Variants in CNTN1 observed in about 807,000 individuals in gnomAD.
CNTN1 encodes contactin-1.
A neutral mutation model predicts 126.4 loss-of-function variants in CNTN1; 38 were observed. The observed-to-expected ratio is 0.30, with a 90% CI of 0.23 to 0.39. CNTN1 has a LOEUF of 0.39. CNTN1 is among the 10% of genes least tolerant of loss of function. The probability of loss-of-function intolerance (pLI) is 1.00; values close to 1 mark genes in which losing one functional copy is unlikely to be tolerated. For synonymous variants in CNTN1, 413 were observed against 422.6 expected (o/e 0.98, Z 0.28); for missense variants, 1,009 against 1,248.4 (o/e 0.81, Z 2.89).
intron 9 of CNTN1, among the ~76,000 whole-genome samples, chr12:40,934,734 C>T (rs757265283): frequency 2.0e-5 from 3 of 151,970 alleles, no homozygotes; most frequent in Non-Finnish European, 4.4e-5. Flanking sequence ...GTGTTGTCTC[C>T]ATCTCCAGTT....
At chr12:40,987,235 A>C (rs924722096) in intron 16 of CNTN1, among the ~76,000 whole-genome samples, 8 of 152,250 alleles carry the variant, frequency 5.3e-5, no homozygotes, top group African/African-American at 1.9e-4. Flanking sequence ...TCATGAAGGT[A>C]AATACTTAAG....
At position 40,977,141 on chromosome 12, in the gene CNTN1, G is replaced by T. The variant is rs537295717; in HGVS notation, c.1805-3768G>T. Among the ~76,000 whole-genome samples, 3 of 152,198 alleles carry T rather than the reference G, an allele frequency of 2.0e-5. No individual in the cohort carries two copies. In the South Asian group the frequency reaches 6.2e-4, roughly 32 times the overall value. Reference sequence around the variant, plus strand: ...GTACATTGGTTCCATCTGGGAAGGTGGGACAACTCAAAATGGGGGGCTTCC... The same window carrying T: ...GTACATTGGTTCCATCTGGGAAGGTTGGACAACTCAAAATGGGGGGCTTCC... On this transcript the variant is annotated intron_variant, in intron 15 of 23. Coordinates refer to ENST00000551295, the MANE Select transcript of CNTN1 (RefSeq NM_001843.4).
intron 16 of CNTN1, among the ~76,000 whole-genome samples, chr12:40,988,098 T>C (rs1206538260): frequency 1.3e-5 from 2 of 152,146 alleles, no homozygotes; most frequent in South Asian, 2.1e-4. Flanking sequence ...TTTTGCTTCA[T>C]GGAAATTTGC....
intron 3 of CNTN1, among the ~76,000 whole-genome samples, chr12:40,914,407 A>G (rs1945157561): frequency 6.6e-6 from 1 of 152,190 alleles, no homozygotes; most frequent in Non-Finnish European, 1.5e-5. Flanking sequence ...TGCAATACAG[A>G]TGCTTGTTTT....
chr12:40,743,052 T>C (rs965793650), intron 1 of CNTN1, among the ~76,000 whole-genome samples: 4 of 152,068 alleles, frequency 2.6e-5, no homozygotes, highest in African/African-American at 9.7e-5. Context: ...TTCTGCAGGT[T>C]GAGGCCGGGG....
rs1240741402 is a variant in CNTN1 at position 40,936,765 on chromosome 12, G to A, written c.986-16G>A. On this transcript the variant is annotated splice_polypyrimidine_tract_variant and intron_variant, in intron 9 of 23. Coordinates refer to ENST00000551295, the MANE Select transcript of CNTN1 (RefSeq NM_001843.4). The stretch of plus-strand genomic sequence containing the variant: ...GAGCCCTTCATTTAACATTTACAAT[G>A]TTCCTTACTTTTTAGCATTCCCTGA... 1.2e-6 allele frequency: 2 copies of A among 1,610,468 alleles called. No individual in the cohort carries two copies. Among genetic ancestry groups the A allele is most frequent in the East Asian group, 2.2e-5 (1 of 44,840 alleles).
intron 23 of CNTN1, among the ~76,000 whole-genome samples, chr12:41,067,299 C>G (rs10879622): frequency 0.24 from 36,280 of 151,860 alleles, 4,414 homozygotes; most frequent in Middle Eastern, 0.29. Flanking sequence ...GGTTTTCATA[C>G]TAGTACCAAA....
At chr12:40,951,373 CTTAT>C (rs1946672125) in intron 14 of CNTN1, among the ~76,000 whole-genome samples, 1 of 151,922 alleles carries the variant, frequency 6.6e-6, no homozygotes, top group African/African-American at 2.4e-5. Context: ...GACAACTTGC[CTTAT>C]TTATTTTTTT....
chr12:40,785,542 T>C (rs1005500044), intron 1 of CNTN1, among the ~76,000 whole-genome samples: 3 of 152,086 alleles, frequency 2.0e-5, no homozygotes, highest in Admixed American at 6.5e-5. Flanking sequence ...TTAGTTCTTG[T>C]AGGTTTTGGG....
chr12:40,911,529 C>T (rs1945036623), intron 3 of CNTN1, among the ~76,000 whole-genome samples: 1 of 152,152 alleles, frequency 6.6e-6, no homozygotes, highest in African/African-American at 2.4e-5. Context: ...AATTCCTTGA[C>T]CCATATTCTC....
chr12:41,012,064 G>A (rs1184138447), intron 17 of CNTN1, among the ~76,000 whole-genome samples: 1 of 152,152 alleles, frequency 6.6e-6, no homozygotes, highest in African/African-American at 2.4e-5. Context: ...GGAGAGAATT[G>A]GGAAGCTAGA....
At chr12:41,060,204 A>G (rs1334383520) in intron 23 of CNTN1, among the ~76,000 whole-genome samples, 1 of 152,198 alleles carries the variant, frequency 6.6e-6, no homozygotes, top group Non-Finnish European at 1.5e-5. Context: ...GAAGCAAAGC[A>G]ATAGAACGAG....
intron 1 of CNTN1, among the ~76,000 whole-genome samples, chr12:40,863,992 C>CCCTTCCCT (rs1329725296): frequency 7.6e-6 from 1 of 131,774 alleles, no homozygotes; most frequent in East Asian, 2.5e-4. Flanking sequence ...CCTTCTGCTT[C>CCCTTCCCT]CCTTCCCTTC....
At position 40,933,560 on chromosome 12, in the gene CNTN1, A is replaced by G. The variant is rs1311093104; in HGVS notation, c.803A>G (p.Asn268Ser). 2 of 1,596,588 alleles carry G rather than the reference A, an allele frequency of 1.3e-6. No homozygotes were observed. Among genetic ancestry groups the G allele is most frequent in the Non-Finnish European group, 8.6e-7 (1 of 1,164,366 alleles). The change falls in exon 8 of 24, where the codon AAT (asparagine) becomes AGT (serine). Residue 268 changes from asparagine to serine, a missense_variant and splice_region_variant. By Grantham distance (46) the Asn-to-Ser change is conservative. Coordinates refer to ENST00000551295, the MANE Select transcript of CNTN1 (RefSeq NM_001843.4). ...ACCTTAGAATGTTTTGCACTTGGAAAGTAAGTATACTGACACTTTTATTAA... is the reference window on the plus strand; with the variant it reads ...ACCTTAGAATGTTTTGCACTTGGAAGGTAAGTATACTGACACTTTTATTAA... ...NVTLECFALG[N>S]PVPDIRWRKV...
chr12:40,907,866 TAAC>T (rs1203260502), intron 1 of CNTN1, among the ~76,000 whole-genome samples: 1 of 152,254 alleles, frequency 6.6e-6, no homozygotes, highest in Non-Finnish European at 1.5e-5. Context: ...CAGAAAATGC[TAAC>T]ATCATCACCC....
intron 1 of CNTN1, among the ~76,000 whole-genome samples, chr12:40,879,002 A>G (rs1943780753): frequency 6.6e-6 from 1 of 152,158 alleles, no homozygotes; most frequent in Non-Finnish European, 1.5e-5. Context: ...TTATAATATT[A>G]CAAAAATAAA....
At chr12:40,741,807 A>T (rs1387816495) in intron 1 of CNTN1, among the ~76,000 whole-genome samples, 1 of 152,084 alleles carries the variant, frequency 6.6e-6, no homozygotes, top group Non-Finnish European at 1.5e-5. Flanking sequence ...ACAAATAACA[A>T]CTATTATTAG....
At chr12:40,912,195 A>G (rs910575874) in intron 3 of CNTN1, among the ~76,000 whole-genome samples, 4 of 148,162 alleles carry the variant, frequency 2.7e-5, no homozygotes, top group African/African-American at 1.0e-4. Flanking sequence ...AACTTCACTC[A>G]ATGTCTTTAA....
chr12:40,702,165 G>A (rs1167285527), intron 1 of CNTN1, among the ~76,000 whole-genome samples: 1 of 150,968 alleles, frequency 6.6e-6, no homozygotes, highest in African/African-American at 2.4e-5. Context: ...CGGACTCCTG[G>A]TCTCAAACGA....
Sources: allele counts gnomAD v4.1 joint callset (sites outside exome capture counted in the v4.1 genomes callset), GRCh38; gene constraint gnomAD v4.1.1; transcripts MANE v1.5; gene names NCBI Gene and HGNC (gene_info 2026-07-23, HGNC 2026-07-21).